Variants in TANGO6 observed in about 807,000 individuals in gnomAD.
The protein encoded by TANGO6 is transport and golgi organization 6 homolog.
TANGO6 carries 90 observed loss-of-function variants against 114.2 expected under a neutral mutation model. The observed-to-expected ratio is 0.79, with a 90% CI of 0.66 to 0.94. The LOEUF (loss-of-function observed/expected upper bound fraction) is 0.94, where lower values mean the gene tolerates loss of function less well. Ranked by LOEUF, TANGO6 falls within the 40% of genes least tolerant of loss-of-function variation. The pLI is 0.00. For missense variants in TANGO6, 1,274 were observed against 1,315.3 expected (o/e 0.97, Z 0.49); for synonymous variants, 477 against 509.8 (o/e 0.94, Z 0.87).
intron 15 of TANGO6, among the ~76,000 whole-genome samples, chr16:69,015,073 C>T (rs1316909460): frequency 6.6e-6 from 1 of 152,042 alleles, no homozygotes; most frequent in Non-Finnish European, 1.5e-5. Flanking sequence ...CAATACAGTC[C>T]TGAGACCTCT....
At chr16:69,003,145 T>G (rs1964059309) in intron 15 of TANGO6, among the ~76,000 whole-genome samples, 1 of 152,130 alleles carries the variant, frequency 6.6e-6, no homozygotes, top group African/African-American at 2.4e-5. Flanking sequence ...CTCAAAGGTA[T>G]TTTTCCAGGT....
chr16:69,054,149 A>T (rs934936747), intron 17 of TANGO6, among the ~76,000 whole-genome samples: 14 of 152,296 alleles, frequency 9.2e-5, no homozygotes, highest in Admixed American at 2.6e-4. Context: ...AAAGAGAAGG[A>T]TGGAGGTCTC....
At chr16:68,960,738 A>G (rs1377811123) in intron 14 of TANGO6, among the ~76,000 whole-genome samples, 4 of 152,054 alleles carry the variant, frequency 2.6e-5, no homozygotes, top group African/African-American at 4.8e-5. Context: ...GCTTCAAGTG[A>G]TCCACCCACC....
At chr16:69,041,285 A>C (rs1959770482) in intron 17 of TANGO6, among the ~76,000 whole-genome samples, 1 of 152,114 alleles carries the variant, frequency 6.6e-6, no homozygotes, top group African/African-American at 2.4e-5. Flanking sequence ...CATCTCTACT[A>C]AAAATACAAA....
intron 15 of TANGO6, among the ~76,000 whole-genome samples, chr16:69,016,146 A>G (rs1257667851): frequency 1.3e-5 from 2 of 152,238 alleles, no homozygotes; most frequent in African/African-American, 4.8e-5. Flanking sequence ...GGCTTCATGA[A>G]GATGGGAGCT....
Position 68,927,779 on chromosome 16 carries a change from A to G in TANGO6, c.2339A>G (p.Gln780Arg). Residue 780 changes from glutamine to arginine, a missense_variant, in exon 13 of 18, where the codon CAA becomes CGA. Physicochemically the swap from Gln to Arg is conservative, Grantham distance 43. Transcript: ENST00000261778. ...KDLEGKIEEQ[Q>R]QTSHERPTDV... ...CTGGAAGGGAAAATAGAAGAGCAGC[A>G]ACAAACCAGTCATGAAAGACCCACT... 4 of 1,614,026 alleles carry G rather than the reference A, an allele frequency of 2.5e-6. No individual in the cohort carries two copies. Among genetic ancestry groups the G allele is most frequent in the Non-Finnish European group, 3.4e-6 (4 of 1,179,898 alleles).
chr16:68,930,570 G>A (rs144120969), intron 14 of TANGO6, among the ~76,000 whole-genome samples: 2 of 151,880 alleles, frequency 1.3e-5, no homozygotes, highest in East Asian at 1.9e-4. Context: ...CTAATTCAAG[G>A]AGGTAAAGAA....
At chr16:69,018,912 AAAAT>A (rs542946143) in intron 15 of TANGO6, among the ~76,000 whole-genome samples, 188 of 152,262 alleles carry the variant, frequency 1.2e-3, no homozygotes, top group African/African-American at 4.1e-3. Context: ...TCCGTCTCAA[AAAAT>A]AAATAAATAA....
At chr16:68,908,265 T>C (rs1324175667) in intron 10 of TANGO6, among the ~76,000 whole-genome samples, 2 of 152,178 alleles carry the variant, frequency 1.3e-5, no homozygotes, top group Non-Finnish European at 2.9e-5. Context: ...AGGGCTAACA[T>C]TTCGAGAACT....
chr16:68,884,394 A>T (rs951298769), intron 7 of TANGO6, among the ~76,000 whole-genome samples: 1 of 152,180 alleles, frequency 6.6e-6, no homozygotes, highest in Non-Finnish European at 1.5e-5. Context: ...TTAATGTCTC[A>T]TGGATAGACT....
chr16:69,036,573 C>T (rs78213475), intron 16 of TANGO6, among the ~76,000 whole-genome samples: 2,922 of 152,130 alleles, frequency 0.019, 29 homozygotes, highest in South Asian at 0.037. Context: ...ACTAACAGCC[C>T]GTAGCAAGCA....
At chr16:69,077,685 C>T (rs903418569) in intron 17 of TANGO6, among the ~76,000 whole-genome samples, 6 of 151,920 alleles carry the variant, frequency 3.9e-5, no homozygotes, top group Admixed American at 2.6e-4. Flanking sequence ...AAAAATTAGC[C>T]GGGCGTGGTG....
intron 14 of TANGO6, 49 bp downstream of exon 14, chr16:68,930,344 T>C (rs1963222694): frequency 6.8e-7 from 1 of 1,469,500 alleles, no homozygotes; most frequent in Admixed American, 2.0e-5. Context: ...CCAGAGACTG[T>C]ATCATGTTTA....
intron 4 of TANGO6, among the ~76,000 whole-genome samples, chr16:68,873,335 CAG>C (rs2152166201): frequency 6.6e-6 from 1 of 152,140 alleles, no homozygotes; most frequent in South Asian, 2.1e-4. Context: ...GTTTTTGAGA[CAG>C]AGTTTTGCTC....
intron 17 of TANGO6, among the ~76,000 whole-genome samples, chr16:69,049,644 C>A (rs372201699): frequency 6.6e-6 from 1 of 151,996 alleles, no homozygotes; most frequent in East Asian, 1.9e-4. Flanking sequence ...GTTGGCCAGG[C>A]TGGTCTTGAA....
intron 7 of TANGO6, among the ~76,000 whole-genome samples, chr16:68,891,017 T>TC (rs1793822535): frequency 8.0e-6 from 1 of 125,700 alleles, no homozygotes; most frequent in African/African-American, 3.1e-5. Flanking sequence ...AGAGTGAGAC[T>TC]CCATCTCAAA....
intron 17 of TANGO6, among the ~76,000 whole-genome samples, chr16:69,076,052 C>A (rs1357688815): frequency 6.7e-6 from 1 of 150,076 alleles, no homozygotes; most frequent in Admixed American, 6.7e-5. Context: ...CGTGAGCCAC[C>A]GCGCCTGGCC....
chr16:69,067,537 A>AAAAAAAAAAAAC (rs1960233882), intron 17 of TANGO6, among the ~76,000 whole-genome samples: 1 of 148,280 alleles, frequency 6.7e-6, no homozygotes, highest in African/African-American at 2.5e-5. Flanking sequence ...AAAAAAAAAA[A>AAAAAAAAAAAAC]CGCTGGGCGC....
chr16:69,022,884 A>C lies in TANGO6; in HGVS notation c.2899A>C (p.Arg967=). Residue 967 remains arginine (R), a synonymous_variant, in exon 16 of 18, where the codon AGA becomes CGA. Transcript: ENST00000261778. ...PLIHTFLRGV[R]DPDGAHRASS... is the part of the protein sequence containing the mutation. ...GATCCATACCTTCCTGAGGGGAGTG[A>C]GAGATCCTGATGGTGCTCACAGGGC... is the stretch of plus-strand genomic sequence containing the variant. 6.3e-7 allele frequency: 1 copy of C among 1,596,114 alleles called. No individual in the cohort carries two copies. Among genetic ancestry groups the C allele is most frequent in the Non-Finnish European group, 8.5e-7 (1 of 1,171,018 alleles).
Sources: gnomAD v4.1 joint callset for allele counts (sites outside exome capture counted in the v4.1 genomes callset) on GRCh38, gnomAD v4.1.1 for gene constraint, MANE v1.5 for transcripts, NCBI Gene and HGNC (gene_info 2026-07-23, HGNC 2026-07-21) for gene names.